Variants in FAT3 observed in about 807,000 individuals in gnomAD.
FAT3 encodes the protein protocadherin Fat 3.
Under a neutral mutation model 310.2 loss-of-function variants are expected in FAT3, and 95 were observed. That is an observed-to-expected ratio of 0.31 (90% CI 0.26 to 0.36). The LOEUF (loss-of-function observed/expected upper bound fraction) is 0.36, where lower values mean the gene tolerates loss of function less well. Among genes scored for constraint, FAT3 ranks in the 10% least tolerant of loss-of-function variants. The pLI is 1.00. For missense variants in FAT3, 5,408 were observed against 5,715.6 expected (o/e 0.95, Z 1.74); for synonymous variants, 2,314 against 2,192.9 (o/e 1.06, Z -1.54).
intron 3 of FAT3, among the ~76,000 whole-genome samples, chr11:92,675,614 A>C (rs2135839787): frequency 6.6e-6 from 1 of 152,288 alleles, no homozygotes. Flanking sequence ...TTGCTAAGCA[A>C]ACCATTGCTG....
intron 2 of FAT3, among the ~76,000 whole-genome samples, chr11:92,479,323 T>G (rs1234189111): frequency 1.3e-5 from 2 of 152,066 alleles, no homozygotes; most frequent in Non-Finnish European, 2.9e-5. Flanking sequence ...AAACATTTTT[T>G]AATTGACTGA....
At chr11:92,754,539 A>C (rs2136063667) in intron 4 of FAT3, among the ~76,000 whole-genome samples, 1 of 147,910 alleles carries the variant, frequency 6.8e-6, no homozygotes, top group East Asian at 2.0e-4. Flanking sequence ...GAGGCAGGAG[A>C]ATGGCGTGAA....
intron 1 of FAT3, among the ~76,000 whole-genome samples, chr11:92,228,590 A>G (rs1565338718): frequency 1.3e-5 from 2 of 152,252 alleles, no homozygotes; most frequent in Admixed American, 6.5e-5. Context: ...TATGTCAAAT[A>G]GAAAGAAGTA....
intron 7 of FAT3, among the ~76,000 whole-genome samples, chr11:92,781,280 C>T (rs1565588884): frequency 6.6e-6 from 1 of 151,292 alleles, no homozygotes; most frequent in Non-Finnish European, 1.5e-5. Flanking sequence ...TGGGATTATC[C>T]CCATGTTGGC....
intron 1 of FAT3, among the ~76,000 whole-genome samples, chr11:92,269,584 A>G (rs919023097): frequency 6.6e-6 from 1 of 152,152 alleles, no homozygotes; most frequent in Admixed American, 6.5e-5. Context: ...TGGAAACTGT[A>G]TTAAGAGGAT....
At chr11:92,453,829 T>A (rs1489114557) in intron 2 of FAT3, among the ~76,000 whole-genome samples, 2 of 152,178 alleles carry the variant, frequency 1.3e-5, no homozygotes, top group Non-Finnish European at 2.9e-5. Context: ...TGTACAACCA[T>A]ATGTGACTTG....
chr11:92,705,470 GTGGTGT>G, intron 4 of FAT3, among the ~76,000 whole-genome samples: 1 of 96,004 alleles, frequency 1.0e-5, no homozygotes, highest in Non-Finnish European at 2.3e-5. Flanking sequence ...GATGGTGGTG[GTGGTGT>G]GATAGTGGTG....
intron 2 of FAT3, among the ~76,000 whole-genome samples, chr11:92,384,260 C>T (rs1245480379): frequency 6.6e-6 from 1 of 152,146 alleles, no homozygotes; most frequent in Non-Finnish European, 1.5e-5. Flanking sequence ...CATTTTGAGT[C>T]AGACCACCCT....
At chr11:92,755,729 T>C (rs939931963) in intron 4 of FAT3, among the ~76,000 whole-genome samples, 30 of 152,350 alleles carry the variant, frequency 2.0e-4, no homozygotes, top group African/African-American at 7.0e-4. Context: ...ACAAATGGGC[T>C]GCTAAACAGG....
At chr11:92,833,150 A>G (rs1364792695) in intron 14 of FAT3, among the ~76,000 whole-genome samples, 2 of 152,218 alleles carry the variant, frequency 1.3e-5, no homozygotes, top group Non-Finnish European at 2.9e-5. Flanking sequence ...AAGACTAAAC[A>G]TACTCATCCT....
intron 2 of FAT3, among the ~76,000 whole-genome samples, chr11:92,410,901 G>A (rs1430027525): frequency 5.3e-5 from 8 of 151,588 alleles, no homozygotes; most frequent in African/African-American, 1.9e-4. Context: ...AAACCTTATG[G>A]GGTGGAAATT....
Position 92,552,485 on chromosome 11 carries a change from T to A in FAT3, c.3607+27537T>A, listed in dbSNP as rs551045735. On this transcript the variant is annotated intron_variant, in intron 3 of 27. Transcript: ENST00000525166. ...TTCTATTTTTGGTTCTTAAAATGTA[T>A]GCTAGAACTTATATTTACTATTGCC... Among the ~76,000 whole-genome samples the A allele has an allele frequency of 7.9e-5, 12 of 152,308 alleles. No homozygotes were observed. In the South Asian group the frequency reaches 2.5e-3, roughly 32 times the overall value.
chr11:92,721,583 A>C (rs1025599996), intron 4 of FAT3, among the ~76,000 whole-genome samples: 8 of 152,220 alleles, frequency 5.3e-5, no homozygotes, highest in Non-Finnish European at 7.3e-5. Context: ...CAACTGCCTA[A>C]GGAATTTTTC....
chr11:92,254,693 C>G (rs1865248102), intron 1 of FAT3, among the ~76,000 whole-genome samples: 1 of 151,818 alleles, frequency 6.6e-6, no homozygotes, highest in African/African-American at 2.4e-5. Context: ...TGGTAGCCAT[C>G]TTTCATTGTT....
At chr11:92,556,021 G>A (rs1955006889) in intron 3 of FAT3, among the ~76,000 whole-genome samples, 2 of 152,170 alleles carry the variant, frequency 1.3e-5, no homozygotes, top group Admixed American at 6.5e-5. Context: ...ATTACGGTGA[G>A]TGTTATATGA....
intron 13 of FAT3, among the ~76,000 whole-genome samples, chr11:92,819,084 C>A (rs933249314): frequency 1.3e-5 from 2 of 152,164 alleles, no homozygotes; most frequent in Admixed American, 6.5e-5. Context: ...CTTTTTCATT[C>A]TATTTAATAT....
intron 3 of FAT3, among the ~76,000 whole-genome samples, chr11:92,658,111 C>A (rs573349923): frequency 9.9e-5 from 15 of 152,206 alleles, no homozygotes; most frequent in African/African-American, 3.1e-4. Context: ...CATTTTTATA[C>A]TAAGTCGTCA....
chr11:92,450,731 A>G (rs1046818522), intron 2 of FAT3, among the ~76,000 whole-genome samples: 4 of 152,228 alleles, frequency 2.6e-5, no homozygotes, highest in Non-Finnish European at 4.4e-5. Context: ...TTGGAAGCCT[A>G]AAATAGCCTT....
intron 3 of FAT3, among the ~76,000 whole-genome samples, chr11:92,623,879 C>T (rs911091251): frequency 6.6e-6 from 1 of 152,006 alleles, no homozygotes; most frequent in Non-Finnish European, 1.5e-5. Flanking sequence ...GGAGGCAGAG[C>T]TTGCGGTGAG....
Sources: gnomAD v4.1 joint callset for allele counts (sites outside exome capture counted in the v4.1 genomes callset) on GRCh38, gnomAD v4.1.1 for gene constraint, MANE v1.5 for transcripts, NCBI Gene and HGNC (gene_info 2026-07-23, HGNC 2026-07-21) for gene names.